CEACAM20: variants seen among roughly 807,000 people sequenced by gnomAD.
CEACAM20 encodes cell adhesion molecule CEACAM20.
A neutral mutation model predicts 61.2 loss-of-function variants in CEACAM20; 50 were observed. The observed-to-expected ratio is 0.82, with a 90% CI of 0.65 to 1.03. The LOEUF (loss-of-function observed/expected upper bound fraction) is 1.03, where lower values mean the gene tolerates loss of function less well. Among genes scored for constraint, CEACAM20 ranks in the 50% least tolerant of loss-of-function variants. The pLI is 0.00. For missense variants in CEACAM20, 683 were observed against 736.4 expected, an observed-to-expected ratio of 0.93 and a Z score of 0.84; for synonymous variants, 282 against 287.7, an observed-to-expected ratio of 0.98 and a Z score of 0.20.
At chr19:44,528,311 T>G (rs13343822) in intron 1 of CEACAM20, among the ~76,000 whole-genome samples, 23,800 of 151,684 alleles carry the variant, frequency 0.16, 2,437 homozygotes, top group African/African-American at 0.25. Flanking sequence ...TCACTGCAAC[T>G]TCTGCCTCCC....
chr19:44,520,528 C>T lies in CEACAM20; in HGVS notation c.976G>A (p.Val326Ile), dbSNP rs1314536434. The change falls in exon 5 of 12, where the codon GTC becomes ATC. Residue 326 changes from valine to isoleucine, a missense_variant. Transcript: ENST00000614924. Reference protein sequence around the residue: ...RNDTGPYACEVWNWGSRARSE... With the variant: ...RNDTGPYACEIWNWGSRARSE... ...CGGGCCCGGCTGCCCCAGTTCCAGA[C>T]CTCACAGGCATAGGGCCCGGTGTCA... 1 of 1,613,978 alleles carries T rather than the reference C, an allele frequency of 6.2e-7. No homozygotes were observed. Among genetic ancestry groups the T allele is most frequent in the Admixed American group, 1.7e-5 (1 of 60,026 alleles).
intron 1 of CEACAM20, among the ~76,000 whole-genome samples, chr19:44,528,000 A>T (rs1398645922): frequency 2.6e-5 from 4 of 151,412 alleles, no homozygotes; most frequent in Non-Finnish European, 5.9e-5. Flanking sequence ...GCTTGTCTGA[A>T]TCTCTGTGAT....
chr19:44,516,607 C>T (rs151285667), intron 6 of CEACAM20, among the ~76,000 whole-genome samples: 230 of 152,298 alleles, frequency 1.5e-3, no homozygotes, highest in African/African-American at 5.1e-3. Flanking sequence ...AACTGTGAGT[C>T]CATTAAACCT....
intron 6 of CEACAM20, among the ~76,000 whole-genome samples, chr19:44,514,268 T>C (rs1971090924): frequency 6.6e-6 from 1 of 152,288 alleles, no homozygotes; most frequent in African/African-American, 2.4e-5. Flanking sequence ...TTTTCATCAA[T>C]ATTGGCCTGC....
chr19:44,507,164 A>G (rs1446044720), intron 11 of CEACAM20, among the ~76,000 whole-genome samples: 1 of 152,198 alleles, frequency 6.6e-6, no homozygotes, highest in Admixed American at 6.5e-5. Flanking sequence ...TGTTGCTACA[A>G]GGAGCACCAT....
At chr19:44,511,871 T>C (rs769914556) in intron 9 of CEACAM20, 146 bp downstream of exon 9, 4 of 895,090 alleles carry the variant, frequency 4.5e-6, no homozygotes, top group Non-Finnish European at 7.0e-6. Context: ...CTTGAGATCC[T>C]CAGAGAAGTC....
At chr19:44,529,372 A>C (rs1426802115) in intron 1 of CEACAM20, 86 bp downstream of exon 1, 1 of 1,164,632 alleles carries the variant, frequency 8.6e-7, no homozygotes, top group East Asian at 2.4e-5. Flanking sequence ...ACACACACAC[A>C]CACACACACA....
chr19:44,511,501 T>C, intron 10 of CEACAM20, 136 bp downstream of exon 10: 2 of 910,458 alleles, frequency 2.2e-6, no homozygotes, highest in Non-Finnish European at 3.4e-6. Flanking sequence ...CTTAGGCTAC[T>C]CTCTTCCCAT....
intron 3 of CEACAM20, 76 bp downstream of exon 3, chr19:44,523,910 T>G (rs1359552039): frequency 5.5e-6 from 8 of 1,444,690 alleles, no homozygotes; most frequent in African/African-American, 1.4e-5. Flanking sequence ...GGATGGTATT[T>G]CAAGCTGTGA....
intron 4 of CEACAM20, 134 bp from the exon 5 acceptor site, chr19:44,520,886 G>T (rs1269735543): frequency 1.6e-5 from 14 of 867,774 alleles, no homozygotes; most frequent in Non-Finnish European, 2.5e-5. Context: ...TGGTGTATAT[G>T]ATTTGCATAA....
intron 2 of CEACAM20, 73 bp downstream of exon 2, chr19:44,525,028 G>A: frequency 6.4e-7 from 1 of 1,569,964 alleles, no homozygotes. Context: ...TGGGGACTTT[G>A]GGCGTGAGGT....
chr19:44,529,354 G>GCACACACACACACACACA (rs71940010), intron 1 of CEACAM20, 104 bp downstream of exon 1: 1 of 622,376 alleles, frequency 1.6e-6, no homozygotes, highest in African/African-American at 2.1e-5. Context: ...TTCCTCGAGT[G>GCACACACACACACACACA]CACACACACA....
At chr19:44,525,403 G>T (rs1437346814) in intron 1 of CEACAM20, among the ~76,000 whole-genome samples, 159 bp from the exon 2 acceptor site, 1 of 152,024 alleles carries the variant, frequency 6.6e-6, no homozygotes, top group Non-Finnish European at 1.5e-5. Context: ...GTGACCTGCA[G>T]CATGTTTTCT....
chr19:44,508,223 A>C (rs994332469), intron 11 of CEACAM20, among the ~76,000 whole-genome samples: 3 of 152,178 alleles, frequency 2.0e-5, no homozygotes, highest in African/African-American at 7.2e-5. Flanking sequence ...TCTGAAGTCC[A>C]TTCTTGGAAT....
intron 1 of CEACAM20, among the ~76,000 whole-genome samples, chr19:44,526,025 G>A (rs1462603058): frequency 6.6e-6 from 1 of 152,222 alleles, no homozygotes; most frequent in African/African-American, 2.4e-5. Context: ...TGGCCTGCCA[G>A]GCCCTGAAGA....
intron 4 of CEACAM20, 93 bp from the exon 5 acceptor site, chr19:44,520,845 CGTGTGTGTGT>C (rs57244256): frequency 1.2e-5 from 12 of 975,200 alleles, no homozygotes; most frequent in African/African-American, 3.4e-5. Flanking sequence ...GGAGTGCGTG[CGTGTGTGTGT>C]GTGTGTGTGT....
rs1971654014 is a variant in CEACAM20, at chr19:44,529,628, C to A, written c.-119G>T. 5 of 762,678 alleles carry A rather than the reference C, an allele frequency of 6.6e-6. No individual in the cohort carries two copies. The East Asian group carries it at 1.3e-4, about 21-fold the overall frequency. 47.2% of individuals were successfully genotyped at this position (762,678 alleles called of 1,614,324 possible). On this transcript the variant is annotated 5_prime_UTR_variant, in exon 1 of 12. Transcript: ENST00000614924. ...CTCCCTTCTCTCCTCTCCCACCCTGCTACAAACTCACACACACACTGCAGT... is the reference window on the plus strand; with the variant it reads ...CTCCCTTCTCTCCTCTCCCACCCTGATACAAACTCACACACACACTGCAGT...
rs1434838782 is a variant in CEACAM20 at position 44,512,204 on chromosome 19, T to C, written c.1514-126A>G. ...ATCCTTCCCAGGACTCCCTGTCATA[T>C]TTCCAGTGAGCTTGACCAGGAATGT... On this transcript the variant is annotated intron_variant, in intron 8 of 11. Transcript: ENST00000614924. 3 of 727,622 alleles carry C rather than the reference T, an allele frequency of 4.1e-6. No individual in the cohort carries two copies. In the African/African-American group the frequency reaches 5.2e-5, roughly 13 times the overall value. 45.1% of individuals were successfully genotyped at this position (727,622 alleles called of 1,614,324 possible). A position where few individuals can be genotyped will look rare whatever the true frequency, so the allele number is the denominator to read the frequency against.
chr19:44,513,115 G>T, intron 7 of CEACAM20, 57 bp downstream of exon 7: 1 of 1,432,250 alleles, frequency 7.0e-7, no homozygotes, highest in Non-Finnish European at 9.7e-7. Flanking sequence ...CGCCCGGCAA[G>T]CGCCCCCTGC....
Sources: gnomAD v4.1 joint callset for allele counts (sites outside exome capture counted in the v4.1 genomes callset) on GRCh38, gnomAD v4.1.1 for gene constraint, MANE v1.5 for transcripts, NCBI Gene and HGNC (gene_info 2026-07-23, HGNC 2026-07-21) for gene names.